TMEM67: variants seen among roughly 807,000 people sequenced by gnomAD.
The protein encoded by TMEM67 is transmembrane protein 67, also known as meckelin.
Under a neutral mutation model 136.6 loss-of-function variants are expected in TMEM67, and 124 were observed. That is an observed-to-expected ratio of 0.91 (90% CI 0.78 to 1.05). The LOEUF is 1.05. TMEM67 is among the 50% of genes least tolerant of loss of function. The probability of loss-of-function intolerance (pLI) is 0.00; values close to 1 mark genes in which losing one functional copy is unlikely to be tolerated. For synonymous variants in TMEM67, 364 were observed against 390.5 expected (o/e 0.93, Z 0.80); for missense variants, 1,107 against 1,178.4 (o/e 0.94, Z 0.89).
chr8:93,778,155 A>T (rs1813642638), intron 7 of TMEM67, among the ~76,000 whole-genome samples: 1 of 152,166 alleles, frequency 6.6e-6, no homozygotes, highest in Admixed American at 6.5e-5. Flanking sequence ...AGTCTATTTT[A>T]TCAGAGACTA....
intron 7 of TMEM67, among the ~76,000 whole-genome samples, chr8:93,775,142 G>A (rs779720912): frequency 6.6e-6 from 1 of 152,214 alleles, no homozygotes; most frequent in Non-Finnish European, 1.5e-5. Context: ...TCTGTTGGCT[G>A]CATAAATGTC....
intron 26 of TMEM67, 40 bp downstream of exon 26, chr8:93,809,927 T>A: frequency 7.5e-7 from 1 of 1,329,228 alleles, no homozygotes; most frequent in Non-Finnish European, 1.1e-6. Context: ...ATAACTGTTT[T>A]CAAAGTTTGA....
chr8:93,827,495 G>A, the TMEM67 span, among the ~76,000 whole-genome samples: 1 of 151,948 alleles, frequency 6.6e-6, no homozygotes, highest in South Asian at 2.1e-4. Context: ...TGGGAGGGTG[G>A]CAAGCGATCC....
At chr8:93,813,459 G>T (rs1384783883) in intron 26 of TMEM67, among the ~76,000 whole-genome samples, 1 of 152,200 alleles carries the variant, frequency 6.6e-6, no homozygotes. Flanking sequence ...GATTACAGGT[G>T]TGAGCCACTG....
chr8:93,793,115 A>T, intron 15 of TMEM67, 83 bp from the exon 16 acceptor site: 1 of 1,267,364 alleles, frequency 7.9e-7, no homozygotes, highest in South Asian at 1.2e-5. Context: ...CATTTTTTTG[A>T]GCACTTCCTT....
chr8:93,813,921 A>G (rs1361412921), intron 26 of TMEM67, among the ~76,000 whole-genome samples: 1 of 152,182 alleles, frequency 6.6e-6, no homozygotes, highest in Non-Finnish European at 1.5e-5. Flanking sequence ...TGTAATGTGC[A>G]TATTTTGTAA....
In TMEM67 at chr8:93,755,975, A is replaced by G. The variant is rs962864283; in HGVS notation, c.312+109A>G. On this transcript the variant is annotated intron_variant, in intron 2 of 27. Coordinates refer to ENST00000453321, the MANE Select transcript of TMEM67 (RefSeq NM_153704.6). ...TTAATGTTTCCCCACAGACTTTAAA[A>G]TTACTATGCTAATTTTATTTTTACT... The G allele has an allele frequency of 1.7e-5, 11 of 647,230 alleles. No homozygotes were observed. The Admixed American group carries it at 3.4e-4, about 20-fold the overall frequency. 40.1% of individuals were successfully genotyped at this position (647,230 alleles called of 1,614,324 possible). A position where few individuals can be genotyped will look rare whatever the true frequency, so the allele number is the denominator to read the frequency against.
intron 11 of TMEM67, among the ~76,000 whole-genome samples, chr8:93,784,315 T>A (rs1324755206): frequency 6.6e-6 from 1 of 152,226 alleles, no homozygotes; most frequent in African/African-American, 2.4e-5. Flanking sequence ...TCCCATTTGA[T>A]TCATAAAATA....
At chr8:93,812,518 T>C (rs1248402151) in intron 26 of TMEM67, among the ~76,000 whole-genome samples, 1 of 152,210 alleles carries the variant, frequency 6.6e-6, no homozygotes, top group Admixed American at 6.5e-5. Flanking sequence ...ATATTGTAGC[T>C]TTCAAAGTCT....
At chr8:93,806,356 G>A (rs57217663) in intron 23 of TMEM67, among the ~76,000 whole-genome samples, 2,781 of 152,120 alleles carry the variant, frequency 0.018, 84 homozygotes, top group African/African-American at 0.061. Flanking sequence ...ATGGCATGAT[G>A]GTTATTTATT....
intron 20 of TMEM67, 79 bp from the exon 21 acceptor site, chr8:93,799,537 GGA>G: frequency 7.2e-7 from 1 of 1,393,088 alleles, no homozygotes; most frequent in Non-Finnish European, 1.0e-6. Flanking sequence ...AGGTGAGTAG[GGA>G]GAGGTTTTCT....
chr8:93,789,670 AT>A (rs144356440), intron 14 of TMEM67, among the ~76,000 whole-genome samples: 5,445 of 138,136 alleles, frequency 0.039, 260 homozygotes, highest in African/African-American at 0.12. Flanking sequence ...ATATATATAT[AT>A]TTTTTTTTTA....
chr8:93,773,658 TG>T (rs1335183702), intron 7 of TMEM67, among the ~76,000 whole-genome samples: 1 of 152,192 alleles, frequency 6.6e-6, no homozygotes, highest in Admixed American at 6.5e-5. Context: ...AAAATGGAAT[TG>T]CCTTTTCCTA....
At chr8:93,760,302 T>C (rs1812771463) in intron 3 of TMEM67, among the ~76,000 whole-genome samples, 1 of 152,162 alleles carries the variant, frequency 6.6e-6, no homozygotes, top group African/African-American at 2.4e-5. Flanking sequence ...GGCTTATGGA[T>C]ACACAGACTG....
At chr8:93,813,834 C>T (rs1808795070) in intron 26 of TMEM67, among the ~76,000 whole-genome samples, 1 of 152,138 alleles carries the variant, frequency 6.6e-6, no homozygotes, top group African/African-American at 2.4e-5. Flanking sequence ...CATATGAAGT[C>T]ATTGCTGGAG....
downstream of TMEM67, among the ~76,000 whole-genome samples, chr8:93,821,668 G>A (rs1280655165): frequency 6.6e-6 from 1 of 152,188 alleles, no homozygotes; most frequent in Non-Finnish European, 1.5e-5. Flanking sequence ...GGAGGCCAAG[G>A]CGGGTGGATC....
rs1232997946 is a variant in TMEM67 at position 93,782,460 on chromosome 8, T to C, written c.1131T>C (p.Asn377=). ...CATTTGGAACAACCTACCAACAAAA[T>C]GTAAGTTTGAACGATATTAGTCTAT... ...AYSFGTTYQQ[N]CEIPISKILI... The change falls in exon 11 of 28, where the codon AAT becomes AAC. Residue 377 remains asparagine, a splice_region_variant and synonymous_variant. Coordinates refer to ENST00000453321, the MANE Select transcript of TMEM67 (RefSeq NM_153704.6). The C allele has an allele frequency of 6.2e-7, 1 of 1,611,198 alleles. No individual in the cohort carries two copies.
At chr8:93,785,146 CT>C in intron 11 of TMEM67, 75 bp from the exon 12 acceptor site, 1 of 932,270 alleles carries the variant, frequency 1.1e-6, no homozygotes, top group Non-Finnish European at 1.7e-6. Context: ...CAATTGTGAT[CT>C]TTTATTTTAT....
intron 5 of TMEM67, 32 bp downstream of exon 5, chr8:93,765,507 A>G (rs950645881): frequency 4.4e-6 from 7 of 1,604,746 alleles, no homozygotes; most frequent in African/African-American, 2.7e-5. Context: ...AAGTATATAT[A>G]TTTTTAATTC....
Sources: gnomAD v4.1 joint callset for allele counts (sites outside exome capture counted in the v4.1 genomes callset) on GRCh38, gnomAD v4.1.1 for gene constraint, MANE v1.5 for transcripts, NCBI Gene and HGNC (gene_info 2026-07-23, HGNC 2026-07-21) for gene names.